The following SMARCA4 variants were observed in gnomAD, a reference collection of about 807,000 sequenced individuals.
SMARCA4 encodes SWI/SNF related BAF chromatin remodeling complex subunit ATPase 4.
Under a neutral mutation model 193.9 loss-of-function variants are expected in SMARCA4, and 31 were observed. The ratio of observed to expected loss-of-function variants is 0.16; its 90% CI spans 0.12 to 0.22. The LOEUF is 0.22. SMARCA4 is among the 10% of genes least tolerant of loss of function. The pLI, the probability that SMARCA4 is intolerant of heterozygous loss-of-function variation, is 1.00. For missense variants in SMARCA4, 1,148 were observed against 2,296.0 expected (o/e 0.50, Z 10.22); for synonymous variants, 942 against 933.1 (o/e 1.01, Z -0.17).
In SMARCA4 at chr19:10,987,930, G is replaced by A. The variant is rs1471938505; in HGVS notation, c.1118+6G>A. 1 of 1,612,092 alleles carries A rather than the reference G, an allele frequency of 6.2e-7. No individual in the cohort carries two copies. Among genetic ancestry groups the A allele is most frequent in the Non-Finnish European group, 8.5e-7 (1 of 1,179,872 alleles). ...CTGCAGGAGCGCGAGTACAGGTGAGGGCGGGGCCCAGTTGCCAAGGTCACT... is the reference window on the plus strand; with the variant it reads ...CTGCAGGAGCGCGAGTACAGGTGAGAGCGGGGCCCAGTTGCCAAGGTCACT... On this transcript the variant is annotated splice_donor_region_variant and intron_variant, in intron 6 of 34. Coordinates refer to ENST00000344626, the MANE Select transcript of SMARCA4 (RefSeq NM_003072.5). This position sits in a 1 kb window ranked among gnomAD's most constrained non-coding sequence, Gnocchi z 5.3.
intron 1 of SMARCA4, among the ~76,000 whole-genome samples, chr19:10,966,656 CG>C (rs2084245468): frequency 6.9e-6 from 1 of 144,792 alleles, no homozygotes; most frequent in African/African-American, 2.6e-5. Flanking sequence ...GGAGCCGAGG[CG>C]GGCGGATCGC....
At chr19:11,018,112 C>T (rs1473574924) in intron 16 of SMARCA4, among the ~76,000 whole-genome samples, 1 of 152,198 alleles carries the variant, frequency 6.6e-6, no homozygotes, top group East Asian at 1.9e-4. Flanking sequence ...GGACACAGCA[C>T]CTCCCTCGTG....
chr19:10,994,182 G>T (rs1283900717), intron 8 of SMARCA4, among the ~76,000 whole-genome samples: 1 of 152,052 alleles, frequency 6.6e-6, no homozygotes, highest in Non-Finnish European at 1.5e-5. Flanking sequence ...TGGGATTACA[G>T]GCATGTGCCA....
Position 11,034,559 on chromosome 19 carries a change from G to T in SMARCA4, c.3952-355G>T, listed in dbSNP as rs1221646894. Among the ~76,000 whole-genome samples the T allele has an allele frequency of 6.6e-6, 1 of 152,186 alleles. No homozygotes were observed. Among genetic ancestry groups the T allele is most frequent in the Non-Finnish European group, 1.5e-5 (1 of 68,036 alleles). ...TCAGTCGCAGAGCCCCCTTGCCCCTGGGTGGGAAACAGGAAATAAGCCACC... is the reference window on the plus strand; with the variant it reads ...TCAGTCGCAGAGCCCCCTTGCCCCTTGGTGGGAAACAGGAAATAAGCCACC... On this transcript the variant is annotated intron_variant, in intron 28 of 34. Coordinates refer to ENST00000344626, the MANE Select transcript of SMARCA4 (RefSeq NM_003072.5). This position sits in a 1 kb window ranked among gnomAD's most constrained non-coding sequence, Gnocchi z 7.0.
chr19:10,972,076 C>G (rs2084721553), intron 1 of SMARCA4, among the ~76,000 whole-genome samples: 10 of 152,072 alleles, frequency 6.6e-5, no homozygotes, highest in Admixed American at 6.6e-4. Flanking sequence ...CTGTCCCAGC[C>G]CCCACACCGA....
intron 11 of SMARCA4, among the ~76,000 whole-genome samples, chr19:10,998,858 C>T (rs1225935437): frequency 6.6e-6 from 1 of 151,308 alleles, no homozygotes; most frequent in Non-Finnish European, 1.5e-5. Context: ...TGCCTGAGCT[C>T]TCTGGAGCCA....
intron 30 of SMARCA4, among the ~76,000 whole-genome samples, chr19:11,055,436 C>T (rs1011943324): frequency 3.3e-5 from 5 of 152,140 alleles, no homozygotes; most frequent in Non-Finnish European, 7.4e-5. Context: ...GATCCACCCA[C>T]CTCAGCCTCC....
intron 7 of SMARCA4, 73 bp downstream of exon 7, chr19:10,989,516 CG>C (rs1436802108): frequency 1.3e-6 from 2 of 1,568,734 alleles, no homozygotes; most frequent in African/African-American, 2.7e-5. Flanking sequence ...GCTCCAAATA[CG>C]GCTTGCCTGG....
rs1599967587 is a variant in SMARCA4, at chr19:10,987,739, T to G, written c.933T>G (p.Pro311=). 1 of 1,602,030 alleles carries G rather than the reference T, an allele frequency of 6.2e-7. No homozygotes were observed. Among genetic ancestry groups the G allele is most frequent in the Non-Finnish European group, 8.5e-7 (1 of 1,173,726 alleles). ...KLIPPQPTGR[P]SPAPPAVPPA... is the part of the protein sequence containing the mutation. ...TTCCCCCGCAGCCAACGGGCCGCCC[T>G]TCCCCCGCGCCCCCTGCCGTCCCAC... Residue 311 remains proline (P), a synonymous_variant, in exon 6 of 35, where the codon CCT becomes CCG. Coordinates refer to ENST00000344626, the MANE Select transcript of SMARCA4 (RefSeq NM_003072.5). This position sits in a 1 kb window ranked among gnomAD's most constrained non-coding sequence, Gnocchi z 5.3.
chr19:11,060,257 G>GC, intron 34 of SMARCA4, 70 bp downstream of exon 34: 1 of 1,527,352 alleles, frequency 6.5e-7, no homozygotes, highest in South Asian at 1.2e-5. Flanking sequence ...TGATGGGACA[G>GC]CCCTGTGGGG....
At chr19:10,965,912 C>A (rs1405599602) in intron 1 of SMARCA4, among the ~76,000 whole-genome samples, 1 of 150,114 alleles carries the variant, frequency 6.7e-6, no homozygotes, top group East Asian at 2.0e-4. Flanking sequence ...TGAAGAAAAC[C>A]ATGCTTTGAA....
In SMARCA4 at chr19:11,021,907, C is replaced by T. The variant is rs1170944294; in HGVS notation, c.2799C>T (p.Phe933=). 1.2e-6 allele frequency: 2 copies of T among 1,613,676 alleles called. No homozygotes were observed. Among genetic ancestry groups the T allele is most frequent in the Non-Finnish European group, 1.7e-6 (2 of 1,180,054 alleles). Residue 933 remains phenylalanine, a synonymous_variant, in exon 19 of 35, where the codon TTC becomes TTT. Coordinates refer to ENST00000344626, the MANE Select transcript of SMARCA4 (RefSeq NM_003072.5). ...ALLNFLLPTI[F]KSCSTFEQWF... ...TCAACTTCCTGCTGCCCACCATCTT[C>T]AAGAGCTGCAGCACCTTCGAGCAGT...
intron 16 of SMARCA4, among the ~76,000 whole-genome samples, chr19:11,014,937 C>T (rs1046203166): frequency 1.3e-5 from 2 of 151,970 alleles, no homozygotes; most frequent in Admixed American, 6.6e-5. Context: ...CTCAGCCTCC[C>T]GAGTAGCTGG....
chr19:11,016,492 AC>A (rs1358270712), intron 16 of SMARCA4, among the ~76,000 whole-genome samples: 1 of 152,136 alleles, frequency 6.6e-6, no homozygotes, highest in Non-Finnish European at 1.5e-5. Flanking sequence ...TTGGAATTCC[AC>A]CGTTAGGAAG....
chr19:11,049,914 C>T (rs1233183435), intron 30 of SMARCA4, among the ~76,000 whole-genome samples: 1 of 152,202 alleles, frequency 6.6e-6, no homozygotes, highest in African/African-American at 2.4e-5. Flanking sequence ...ACAGCTTGGC[C>T]AACGTGGCAA....
chr19:10,976,123 C>T (rs1278413422), intron 1 of SMARCA4, among the ~76,000 whole-genome samples: 5 of 152,164 alleles, frequency 3.3e-5, no homozygotes, highest in Non-Finnish European at 4.4e-5. Flanking sequence ...ACCTTAGGGA[C>T]GACCTTTGGC....
chr19:10,982,157 T>C (rs1004006028), intron 1 of SMARCA4, among the ~76,000 whole-genome samples: 1 of 151,972 alleles, frequency 6.6e-6, no homozygotes, highest in Non-Finnish European at 1.5e-5. Flanking sequence ...CTGGCCAATG[T>C]GGTGAAACCC....
chr19:11,060,325 C>T, intron 34 of SMARCA4, 138 bp downstream of exon 34: 8 of 1,103,426 alleles, frequency 7.3e-6, no homozygotes, highest in Non-Finnish European at 1.1e-5. Context: ...CCTGCCATGG[C>T]TGACCCCAGG....
At chr19:10,993,089 G>A (rs967469575) in intron 8 of SMARCA4, among the ~76,000 whole-genome samples, 3 of 150,078 alleles carry the variant, frequency 2.0e-5, no homozygotes, top group Admixed American at 1.3e-4. Context: ...GGGTTCAAGC[G>A]ATTCTCCTGC....
Sources: gnomAD v4.1 joint callset for allele counts (sites outside exome capture counted in the v4.1 genomes callset) on GRCh38, gnomAD v4.1.1 for gene constraint, Gnocchi (gnomAD v3.1) non-coding constraint, MANE v1.5 for transcripts, NCBI Gene and HGNC (gene_info 2026-07-23, HGNC 2026-07-21) for gene names.